TNIP1: variants seen among roughly 807,000 people sequenced by gnomAD.
The protein encoded by TNIP1 is TNFAIP3-interacting protein 1.
Under a neutral mutation model 86.6 loss-of-function variants are expected in TNIP1, and 22 were observed. The observed-to-expected ratio is 0.25, with a 90% CI of 0.18 to 0.36. The LOEUF is 0.36. Ranked by LOEUF, TNIP1 falls within the 10% of genes least tolerant of loss-of-function variation. TNIP1 has a pLI of 1.00. For missense variants in TNIP1, 709 were observed against 820.6 expected (o/e 0.86, Z 1.66); for synonymous variants, 294 against 313.0 (o/e 0.94, Z 0.64).
At chr5:151,038,126 T>C (rs1757950964) in intron 12 of TNIP1, among the ~76,000 whole-genome samples, 1 of 152,158 alleles carries the variant, frequency 6.6e-6, no homozygotes, top group Non-Finnish European at 1.5e-5. Flanking sequence ...ACAGATCGCG[T>C]TTCTTTCTCT....
At chr5:151,059,097 C>G (rs1581843230) in intron 5 of TNIP1, among the ~76,000 whole-genome samples, 1 of 152,346 alleles carries the variant, frequency 6.6e-6, no homozygotes, top group Middle Eastern at 3.4e-3. Context: ...TGCGACTTCT[C>G]CAGACTACAA....
intron 17 of TNIP1, 145 bp downstream of exon 17, chr5:151,032,142 T>C: frequency 1.5e-6 from 1 of 656,160 alleles, no homozygotes; most frequent in Non-Finnish European, 2.6e-6. Context: ...TTGCCATTAC[T>C]CTCCATTCAA....
In TNIP1 at chr5:151,056,966, G is replaced by A; in HGVS notation, c.436-9C>T. The A allele has an allele frequency of 1.4e-6, 2 of 1,478,568 alleles. No homozygotes were observed. The highest frequency in any genetic ancestry group is 1.8e-4 in the Middle Eastern group (1 of 5,462). 91.6% of individuals were successfully genotyped at this position (1,478,568 alleles called of 1,614,324 possible). On this transcript the variant is annotated splice_polypyrimidine_tract_variant and intron_variant, in intron 5 of 17. Transcript: ENST00000521591. ...GGCAGGGGGCCCAGCGCCTGGAGAGGGAAAGGGCACACGGCCCACTCTTCA... is the reference window on the plus strand; with the variant it reads ...GGCAGGGGGCCCAGCGCCTGGAGAGAGAAAGGGCACACGGCCCACTCTTCA...
At chr5:151,047,138 G>A (rs1350104763) in intron 8 of TNIP1, among the ~76,000 whole-genome samples, 1 of 152,128 alleles carries the variant, frequency 6.6e-6, no homozygotes, top group African/African-American at 2.4e-5. Context: ...ACAGCACTTG[G>A]CCAAGTGATG....
intron 1 of TNIP1, among the ~76,000 whole-genome samples, chr5:151,069,481 G>A (rs1762597124): frequency 6.6e-6 from 1 of 152,318 alleles, no homozygotes; most frequent in Admixed American, 6.5e-5. Context: ...GGAAACTGAA[G>A]TCCAGCTTGG....
upstream of TNIP1, among the ~76,000 whole-genome samples, chr5:151,084,242 C>T (rs1028483475): frequency 3.3e-5 from 5 of 152,058 alleles, no homozygotes; most frequent in Admixed American, 6.6e-5. Context: ...GTCAGGAGTT[C>T]AAGACCAGCC....
At chr5:151,032,793 G>C (rs1441171874) in intron 16 of TNIP1, 2 of 213,004 alleles carry the variant, frequency 9.4e-6, no homozygotes, top group African/African-American at 4.8e-5. Context: ...TGGGGAAAAT[G>C]GGACAAGTGA....
At chr5:151,033,822 G>A in intron 15 of TNIP1, 23 bp from the exon 16 acceptor site, 5 of 1,375,498 alleles carry the variant, frequency 3.6e-6, no homozygotes, top group Non-Finnish European at 4.7e-6. Flanking sequence ...CTGACGTCTG[G>A]CTTTGGCCTG....
At chr5:151,035,506 C>T (rs765260585) in intron 14 of TNIP1, 76 bp downstream of exon 14, 112 of 1,605,950 alleles carry the variant, frequency 7.0e-5, no homozygotes, top group Middle Eastern at 1.7e-4. Context: ...TCCAGCCTCA[C>T]CAGGGCCCTC....
rs369756391 is a variant in TNIP1, at chr5:151,032,275, T to C, written c.1876+12A>G. On this transcript the variant is annotated intron_variant, in intron 17 of 17. Coordinates refer to ENST00000521591, the MANE Select transcript of TNIP1 (RefSeq NM_006058.5). Reference sequence around the variant, plus strand: ...CCCCAGGGAGGACCAAGACTCAGTATTAGGGGCTCACCTGGTTCTGTAGGC... The same window carrying C: ...CCCCAGGGAGGACCAAGACTCAGTACTAGGGGCTCACCTGGTTCTGTAGGC... 8.7e-6 allele frequency: 14 copies of C among 1,609,290 alleles called. No homozygotes were observed. The highest frequency in any genetic ancestry group is 1.2e-5 in the Non-Finnish European group (14 of 1,176,422).
At chr5:151,080,557 T>C (rs1186694097) in intron 1 of TNIP1, among the ~76,000 whole-genome samples, 1 of 152,224 alleles carries the variant, frequency 6.6e-6, no homozygotes, top group East Asian at 1.9e-4. Flanking sequence ...AGGCAACTCG[T>C]CTCCACAGGA....
chr5:151,062,924 G>A (rs1018968458), intron 3 of TNIP1, among the ~76,000 whole-genome samples: 3 of 152,248 alleles, frequency 2.0e-5, no homozygotes, highest in East Asian at 3.8e-4. Flanking sequence ...ATACAGTAGA[G>A]CTGCAGCAGG....
At chr5:151,054,188 C>T (rs1760348994) in intron 6 of TNIP1, among the ~76,000 whole-genome samples, 1 of 152,188 alleles carries the variant, frequency 6.6e-6, no homozygotes, top group African/African-American at 2.4e-5. Flanking sequence ...CCCCTGTCTC[C>T]CTGGGACTCT....
chr5:151,047,740 C>T (rs1439773457), intron 8 of TNIP1, among the ~76,000 whole-genome samples: 2 of 152,052 alleles, frequency 1.3e-5, no homozygotes, highest in Admixed American at 1.3e-4. Flanking sequence ...GGTGAAACAG[C>T]AGACAAGGCC....
rs1032193947 is a variant in TNIP1, at chr5:151,080,913, G to T, written c.-70C>A. ...GGGGAGCTTGGGGACACAGCGCCCC[G>T]CTTGCTGCGTCCAGCCCCGAATCCA... On this transcript the variant is annotated 5_prime_UTR_variant, in exon 1 of 18. Coordinates refer to ENST00000521591, the MANE Select transcript of TNIP1 (RefSeq NM_006058.5). 6.6e-6 allele frequency: 1 copy of T among 152,166 alleles called. No individual in the cohort carries two copies. The highest frequency in any genetic ancestry group is 2.4e-5 in the African/African-American group (1 of 41,388). 9.4% of individuals were successfully genotyped at this position (152,166 alleles called of 1,614,324 possible).
chr5:151,047,316 G>A (rs1210537918), intron 8 of TNIP1, among the ~76,000 whole-genome samples: 2 of 152,186 alleles, frequency 1.3e-5, no homozygotes, highest in Non-Finnish European at 2.9e-5. Context: ...CCTCAATCGT[G>A]ACAGCAAATA....
rs879759706 is a variant in TNIP1, at chr5:151,057,492, G to A, written c.436-535C>T. 5.9e-5 allele frequency among the ~76,000 whole-genome samples: 9 copies of A among 152,358 alleles called. No homozygotes were observed. In the South Asian group the frequency reaches 8.3e-4, roughly 14 times the overall value. ...TGTAATCCCACCACTTTGGGAGGCTGAGCGGGCAGATCACAAGGTCAGGAG... is the reference window on the plus strand; with the variant it reads ...TGTAATCCCACCACTTTGGGAGGCTAAGCGGGCAGATCACAAGGTCAGGAG... On this transcript the variant is annotated intron_variant, in intron 5 of 17. Transcript: ENST00000521591.
At chr5:151,056,709 A>C in intron 6 of TNIP1, 57 bp downstream of exon 6, 2 of 1,405,808 alleles carry the variant, frequency 1.4e-6, no homozygotes, top group Non-Finnish European at 1.9e-6. Flanking sequence ...GAAGGTGGGA[A>C]GAGCTCGGGG....
At chr5:151,060,276 G>C (rs1224094101) in intron 5 of TNIP1, 42 bp downstream of exon 5, 23 of 1,604,538 alleles carry the variant, frequency 1.4e-5, no homozygotes, top group Non-Finnish European at 2.0e-5. Context: ...AGGACACAAA[G>C]AGGGCAGCAG....
Sources: allele counts gnomAD v4.1 joint callset (sites outside exome capture counted in the v4.1 genomes callset), GRCh38; gene constraint gnomAD v4.1.1; transcripts MANE v1.5; gene names NCBI Gene and HGNC (gene_info 2026-07-23, HGNC 2026-07-21).